The following CNDP1 variants were observed in gnomAD, a reference collection of about 807,000 sequenced individuals.
The protein encoded by CNDP1 is carnosine dipeptidase 1.
CNDP1 carries 44 observed loss-of-function variants against 58.1 expected under a neutral mutation model. The observed-to-expected ratio is 0.76, with a 90% confidence interval of 0.60 to 0.97. CNDP1 has a LOEUF of 0.97. Among genes scored for constraint, CNDP1 ranks in the 50% least tolerant of loss-of-function variants. The probability of loss-of-function intolerance (pLI) is 0.00; values close to 1 mark genes in which losing one functional copy is unlikely to be tolerated. For missense variants in CNDP1, 616 were observed against 655.1 expected, an observed-to-expected ratio of 0.94 and a Z score of 0.65; for synonymous variants, 254 against 252.6, an observed-to-expected ratio of 1.01 and a Z score of -0.05.
Position 74,567,286 on chromosome 18 carries a change from T to C in CNDP1, c.609T>C (p.Ser203=). The C allele has an allele frequency of 2.5e-6, 4 of 1,614,248 alleles. No homozygotes were observed. The highest frequency in any genetic ancestry group is 2.5e-6 in the Non-Finnish European group (3 of 1,180,038). ...FIIEGMEEAG[S]VALEELVEKE... ...TTGAGGGGATGGAAGAGGCTGGCTC[T>C]GTTGCCCTGGAGGAACTTGTGGAAA... Residue 203 remains serine (S), a synonymous_variant, in exon 6 of 12, where the codon TCT becomes TCC. Transcript: ENST00000358821.
intron 1 of CNDP1, among the ~76,000 whole-genome samples, chr18:74,537,439 A>T (rs575895197): frequency 6.6e-6 from 1 of 152,282 alleles, no homozygotes; most frequent in East Asian, 1.9e-4. Context: ...TTGCTGACTT[A>T]TTACCATCAC....
At position 74,586,203 on chromosome 18, in the gene CNDP1, T is replaced by G. The variant is rs1981911197; in HGVS notation, c.*1641T>G. 1 of 152,138 alleles carries G rather than the reference T, an allele frequency of 6.6e-6. No homozygotes were observed. Among genetic ancestry groups the G allele is most frequent in the Admixed American group, 6.5e-5 (1 of 15,284 alleles). 9.4% of individuals were successfully genotyped at this position (152,138 alleles called of 1,614,324 possible). A position where few individuals can be genotyped will look rare whatever the true frequency, so the allele number is the denominator to read the frequency against. On this transcript the variant is annotated 3_prime_UTR_variant, in exon 12 of 12. Coordinates refer to ENST00000358821, the MANE Select transcript of CNDP1 (RefSeq NM_032649.6). ...AGAGCTCAACCTAGTTGTGGGCATT[T>G]GTGAAGGATTCCAGTTAGTGTTTTC...
Position 74,557,662 on chromosome 18 carries a change from T to G in CNDP1, c.153+1196T>G, listed in dbSNP as rs375637104. 1.2e-4 allele frequency among the ~76,000 whole-genome samples: 19 copies of G among 152,276 alleles called. 1 individual carries two copies. The highest frequency in any genetic ancestry group is 4.6e-4 in the African/African-American group (19 of 41,558). On this transcript the variant is annotated intron_variant, in intron 2 of 11. Coordinates refer to ENST00000358821, the MANE Select transcript of CNDP1 (RefSeq NM_032649.6). ...GTGCACACTGATGTGTTGTTGTCTG[T>G]GTTCACCAGACGGGGAGCTCCTTGA... is the stretch of plus-strand genomic sequence containing the variant.
In CNDP1 at chr18:74,545,444, T is replaced by C. The variant is rs1050152666; in HGVS notation, c.24+10753T>C. Among the ~76,000 whole-genome samples, 1 of 152,168 alleles carries C rather than the reference T, an allele frequency of 6.6e-6. No homozygotes were observed. The highest frequency in any genetic ancestry group is 1.5e-5 in the Non-Finnish European group (1 of 68,030). Reference sequence around the variant, plus strand: ...GAGCTGAATGTGTAAGATGACACTTTAAAGGCTGTGTACGTAATTACAGGT... The same window carrying C: ...GAGCTGAATGTGTAAGATGACACTTCAAAGGCTGTGTACGTAATTACAGGT... On this transcript the variant is annotated intron_variant, in intron 1 of 11. Coordinates refer to ENST00000358821, the MANE Select transcript of CNDP1 (RefSeq NM_032649.6). The surrounding 1 kb of genome is among the most constrained non-coding windows in gnomAD (Gnocchi z 4.1).
intron 1 of CNDP1, among the ~76,000 whole-genome samples, chr18:74,542,095 A>G (rs1463558003): frequency 6.6e-6 from 1 of 152,190 alleles, no homozygotes; most frequent in Non-Finnish European, 1.5e-5. Context: ...ACGCGTTTGC[A>G]TGTTTCAGTT....
At chr18:74,542,363 G>A (rs371682809) in intron 1 of CNDP1, among the ~76,000 whole-genome samples, 5 of 152,178 alleles carry the variant, frequency 3.3e-5, no homozygotes, top group African/African-American at 1.2e-4. Flanking sequence ...GGGCTTTTAA[G>A]TGGACCCTTT....
Position 74,545,484 on chromosome 18 carries a change from C to T in CNDP1, c.24+10793C>T, listed in dbSNP as rs1388458179. ...TAATTACAGGTTTCTAGAAAAGAAA[C>T]GTGTTATTTGGTGCTGTCTGCATTT... On this transcript the variant is annotated intron_variant, in intron 1 of 11. Transcript: ENST00000358821. The surrounding 1 kb of genome is among the most constrained non-coding windows in gnomAD (Gnocchi z 4.1). 6.6e-6 allele frequency among the ~76,000 whole-genome samples: 1 copy of T among 152,120 alleles called. No homozygotes were observed. Among genetic ancestry groups the T allele is most frequent in the Non-Finnish European group, 1.5e-5 (1 of 68,026 alleles).
chr18:74,544,249 C>G (rs183505975), intron 1 of CNDP1, among the ~76,000 whole-genome samples: 2 of 152,180 alleles, frequency 1.3e-5, no homozygotes, highest in East Asian at 3.9e-4. Flanking sequence ...GAGACTCTGT[C>G]TCAAAAAATA....
In CNDP1 at chr18:74,534,691, GGT is replaced by G. The variant is rs774866432; in HGVS notation, c.24+2_24+3del. The stretch of plus-strand genomic sequence containing the variant: ...TAATGGATCCCAAACTCGGGAGAAT[GGT>G]GAGTAGGACCTCCTCCATCAGAGTC... On this transcript the variant is annotated splice_donor_variant, in intron 1 of 11. Coordinates refer to ENST00000358821, the MANE Select transcript of CNDP1 (RefSeq NM_032649.6). LOFTEE classifies it high-confidence loss of function. The G allele has an allele frequency of 1.9e-6, 3 of 1,614,130 alleles. No individual in the cohort carries two copies. The highest frequency in any genetic ancestry group is 2.5e-6 in the Non-Finnish European group (3 of 1,180,006).
intron 1 of CNDP1, among the ~76,000 whole-genome samples, chr18:74,540,806 A>G (rs1303092695): frequency 6.6e-6 from 1 of 152,184 alleles, no homozygotes; most frequent in Non-Finnish European, 1.5e-5. Context: ...GCATGTGAAG[A>G]CGCAATAAAA....
chr18:74,582,341 C>T (rs1981810343), intron 10 of CNDP1, among the ~76,000 whole-genome samples: 1 of 152,204 alleles, frequency 6.6e-6, no homozygotes. Context: ...TCATCCCACT[C>T]CATCACTGGC....
intron 1 of CNDP1, among the ~76,000 whole-genome samples, chr18:74,539,388 G>A (rs1028831364): frequency 2.0e-5 from 3 of 152,208 alleles, no homozygotes; most frequent in African/African-American, 7.2e-5. Flanking sequence ...AAGGGTCTGA[G>A]GATGCAGGAC....
At position 74,556,356 on chromosome 18, in the gene CNDP1, G is replaced by GTGC. The variant is rs10663835; in HGVS notation, c.58_60dup (p.Leu20dup). On this transcript the variant is annotated inframe_insertion, in exon 2 of 12. Transcript: ENST00000358821. ...CTTCCAGGCTGCGTCCCTGCTGGCT[G>GTGC]TGCTGCTGCTGCTGCTGGAGCGCGG... 0.36 allele frequency: 564,925 copies of GTGC among 1,572,902 alleles called. 92,054 individuals carry two copies. The highest frequency in any genetic ancestry group is 0.84 in the East Asian group (32,746 of 39,132).
chr18:74,579,079 T>A (rs1480298346), intron 9 of CNDP1, among the ~76,000 whole-genome samples: 2 of 151,936 alleles, frequency 1.3e-5, no homozygotes, highest in Non-Finnish European at 2.9e-5. Context: ...AGTCTCTCTT[T>A]CTCCCTCCCG....
chr18:74,572,806 A>G (rs1568298976), intron 7 of CNDP1, among the ~76,000 whole-genome samples: 3 of 141,724 alleles, frequency 2.1e-5, no homozygotes, highest in Admixed American at 1.4e-4. Context: ...AAAAAAAAAA[A>G]AAAAAGAAAG....
rs777037881 is a variant in CNDP1, at chr18:74,576,855, T to C, written c.842-14T>C. 1.3e-6 allele frequency: 2 copies of C among 1,599,122 alleles called. No homozygotes were observed. Among genetic ancestry groups the C allele is most frequent in the South Asian group, 2.3e-5 (2 of 87,660 alleles). ...CCTTTCTACCTGGCTTTGTTTTCTG[T>C]GTGTGTTTTGTAGGTAGCCTGGTAG... On this transcript the variant is annotated splice_polypyrimidine_tract_variant and intron_variant, in intron 7 of 11. Coordinates refer to ENST00000358821, the MANE Select transcript of CNDP1 (RefSeq NM_032649.6).
At chr18:74,550,574 A>G (rs901539090) in intron 1 of CNDP1, among the ~76,000 whole-genome samples, 8 of 146,156 alleles carry the variant, frequency 5.5e-5, no homozygotes, top group African/African-American at 2.1e-4. Context: ...GAAAGGCATT[A>G]TTGAATTTTT....
chr18:74,584,239 A>G (rs185129458), intron 11 of CNDP1: 233 of 492,062 alleles, frequency 4.7e-4, no homozygotes, highest in African/African-American at 4.1e-3. Flanking sequence ...CCTGATATCC[A>G]TATCAGTGAT....
At chr18:74,561,747 G>T (rs1981204875) in intron 4 of CNDP1, 1 of 250,980 alleles carries the variant, frequency 4.0e-6, no homozygotes. Context: ...TCTCTCCGGT[G>T]AACTTGGATA....
Sources: allele counts gnomAD v4.1 joint callset (sites outside exome capture counted in the v4.1 genomes callset), GRCh38; gene constraint gnomAD v4.1.1; non-coding constraint Gnocchi (gnomAD v3.1); transcripts MANE v1.5; gene names NCBI Gene and HGNC (gene_info 2026-07-23, HGNC 2026-07-21).